The following ZNF8 variants were observed in gnomAD, a reference collection of about 807,000 sequenced individuals.
ZNF8 encodes zinc finger protein 272.
ZNF8 carries 9 observed loss-of-function variants against 12.2 expected under a neutral mutation model. The ratio of observed to expected loss-of-function variants is 0.73; its 90% CI spans 0.44 to 1.28. The LOEUF (loss-of-function observed/expected upper bound fraction) is 1.28. Among genes scored for constraint, ZNF8 ranks in the 50% most tolerant of loss-of-function variants. The pLI is 0.00. For missense variants in ZNF8, 664 were observed against 729.1 expected (o/e 0.91, Z 1.03); for synonymous variants, 274 against 282.3 (o/e 0.97, Z 0.30).
intron 3 of ZNF8, among the ~76,000 whole-genome samples, chr19:58,293,832 G>A (rs1354350978): frequency 6.6e-6 from 1 of 152,206 alleles, no homozygotes; most frequent in African/African-American, 2.4e-5. Flanking sequence ...TAATAAGTGT[G>A]TTTTAAGTTA....
Position 58,296,853 on chromosome 19 carries a change from A to T in ZNF8, c.*1317A>T, listed in dbSNP as rs940271331. On this transcript the variant is annotated 3_prime_UTR_variant, in exon 4 of 4. Transcript: ENST00000621650. ...TAGTGCCCGGGACAGCTCCTCAACA[A>T]AGGATTCTCTAGCTCAAATGTCAAT... The T allele has an allele frequency of 6.6e-6, 1 of 152,210 alleles. No individual in the cohort carries two copies. Among genetic ancestry groups the T allele is most frequent in the Non-Finnish European group, 1.5e-5 (1 of 68,088 alleles). 9.4% of individuals were successfully genotyped at this position (152,210 alleles called of 1,614,324 possible).
intron 1 of ZNF8, chr19:58,279,643 G>A: frequency 3.3e-6 from 5 of 1,534,114 alleles, no homozygotes; most frequent in Non-Finnish European, 1.7e-6. Context: ...AACCTCTTGG[G>A]GGCAATGATG....
rs1233755423 is a variant in ZNF8 at position 58,301,569 on chromosome 19, A to G, written c.*6033A>G. 1 of 152,282 alleles carries G rather than the reference A, an allele frequency of 6.6e-6. No individual in the cohort carries two copies. Among genetic ancestry groups the G allele is most frequent in the Non-Finnish European group, 1.5e-5 (1 of 68,112 alleles). The allele number at this position is 152,282 out of a possible 1,614,324, so 9.4% of individuals were successfully genotyped here. On this transcript the variant is annotated 3_prime_UTR_variant, in exon 4 of 4. Transcript: ENST00000621650. Reference sequence around the variant, plus strand: ...AAGCAGTGGGACCAAAAATGACAGCATGGTTCTAGACAGCTCTGGAAGTCA... The same window carrying G: ...AAGCAGTGGGACCAAAAATGACAGCGTGGTTCTAGACAGCTCTGGAAGTCA...
At chr19:58,283,731 C>T (rs1600452844) in intron 1 of ZNF8, among the ~76,000 whole-genome samples, 1 of 151,240 alleles carries the variant, frequency 6.6e-6, no homozygotes, top group African/African-American at 2.4e-5. Flanking sequence ...TCCCATGTAG[C>T]TGGAACTACA....
rs956896009 is a variant in ZNF8, at chr19:58,294,520, T to A, written c.712T>A (p.Ser238Thr). The change falls in exon 4 of 4, where the codon TCC becomes ACC. Residue 238 changes from serine (S) to threonine (T), a missense_variant. Ser to Thr is a moderately conservative substitution (Grantham distance 58). This residue lies in a region of ZNF8 where 306 missense variants were observed against 308.7 expected (regional missense o/e 0.99). Transcript: ENST00000621650. This position sits in a 1 kb window ranked among gnomAD's most constrained non-coding sequence, Gnocchi z 5.5. ...PGENSDCHRD[S>T]SQAIPITELT... Reference sequence around the variant, plus strand: ...TGAAAACAGTGACTGTCACAGAGATTCCAGTCAGGCCATTCCAATTACGGA... The same window carrying A: ...TGAAAACAGTGACTGTCACAGAGATACCAGTCAGGCCATTCCAATTACGGA... 5 of 1,614,018 alleles carry A rather than the reference T, an allele frequency of 3.1e-6. No homozygotes were observed. The highest frequency in any genetic ancestry group is 4.2e-6 in the Non-Finnish European group (5 of 1,180,034).
intron 3 of ZNF8, among the ~76,000 whole-genome samples, 161 bp from the exon 4 acceptor site, chr19:58,293,937 G>A (rs1167216950): frequency 2.6e-5 from 4 of 152,244 alleles, no homozygotes; most frequent in Non-Finnish European, 4.4e-5. Flanking sequence ...GAGTGGAGCC[G>A]TGTCTGAGGG....
intron 1 of ZNF8, 74 bp from the exon 2 acceptor site, chr19:58,285,642 CT>C: frequency 1.9e-6 from 3 of 1,610,650 alleles, no homozygotes; most frequent in Non-Finnish European, 2.5e-6. Flanking sequence ...CTGTTTTCTC[CT>C]TTTCCATTCT....
At chr19:58,282,284 A>T (rs540752687) in intron 1 of ZNF8, among the ~76,000 whole-genome samples, 1 of 152,192 alleles carries the variant, frequency 6.6e-6, no homozygotes, top group East Asian at 1.9e-4. Context: ...TCTTTTATAT[A>T]TTCTTCAAAG....
In ZNF8 at chr19:58,300,260, T is replaced by G. The variant is rs1260184540; in HGVS notation, c.*4724T>G. 6.6e-6 allele frequency: 1 copy of G among 152,182 alleles called. No homozygotes were observed. Among genetic ancestry groups the G allele is most frequent in the African/African-American group, 2.4e-5 (1 of 41,456 alleles). The allele number at this position is 152,182 out of a possible 1,614,324, so 9.4% of individuals were successfully genotyped here. ...GACCATGGCTTAAACAGATGAGGCT[T>G]TGTTCAAAGGCTGTCTTTTCAGTGG... On this transcript the variant is annotated 3_prime_UTR_variant, in exon 4 of 4. Coordinates refer to ENST00000621650, the MANE Select transcript of ZNF8 (RefSeq NM_021089.3).
At position 58,294,363 on chromosome 19, in the gene ZNF8, T is replaced by C; in HGVS notation, c.555T>C (p.Ser185=). The C allele has an allele frequency of 6.2e-7, 1 of 1,613,890 alleles. No homozygotes were observed. Among genetic ancestry groups the C allele is most frequent in the Non-Finnish European group, 8.5e-7 (1 of 1,179,972 alleles). ...TLRLRENCVL[S]SSPNPFPEIS... ...GACTCAGGGAAAACTGCGTCCTGAG[T>C]TCAAGCCCAAATCCATTCCCAGAGA... Residue 185 remains serine, a synonymous_variant, in exon 4 of 4, where the codon AGT becomes AGC. Coordinates refer to ENST00000621650, the MANE Select transcript of ZNF8 (RefSeq NM_021089.3). The surrounding 1 kb of genome is among the most constrained non-coding windows in gnomAD (Gnocchi z 5.5).
Position 58,301,714 on chromosome 19 carries a change from GGT to G in ZNF8, c.*6180_*6181del, listed in dbSNP as rs1884548474. The G allele has an allele frequency of 6.6e-6, 1 of 152,244 alleles. No homozygotes were observed. The highest frequency in any genetic ancestry group is 2.1e-4 in the South Asian group (1 of 4,832). The allele number at this position is 152,244 out of a possible 1,614,324, so 9.4% of individuals were successfully genotyped here. A position where few individuals can be genotyped will look rare whatever the true frequency, so the allele number is the denominator to read the frequency against. On this transcript the variant is annotated 3_prime_UTR_variant, in exon 4 of 4. Coordinates refer to ENST00000621650, the MANE Select transcript of ZNF8 (RefSeq NM_021089.3). ...GGCTGAGGTTATAGCAGCCCCACAG[GGT>G]GGTAAGCTGGGATGAAGCAATCAAC...
In ZNF8 at chr19:58,300,200, G is replaced by A. The variant is rs1270577296; in HGVS notation, c.*4664G>A. 2 of 152,380 alleles carry A rather than the reference G, an allele frequency of 1.3e-5. No individual in the cohort carries two copies. Among genetic ancestry groups the A allele is most frequent in the East Asian group, 1.9e-4 (1 of 5,182 alleles). The allele number at this position is 152,380 out of a possible 1,614,324, so 9.4% of individuals were successfully genotyped here. A position where few individuals can be genotyped will look rare whatever the true frequency, so the allele number is the denominator to read the frequency against. ...AAAAGTAACCAGCCCAAGCTAGGAA[G>A]TGGTGGAGTTAGAATTTGATGTCAG... On this transcript the variant is annotated 3_prime_UTR_variant, in exon 4 of 4. Transcript: ENST00000621650.
At position 58,302,014 on chromosome 19, in the gene ZNF8, A is replaced by C. The variant is rs1032450252; in HGVS notation, c.*6478A>C. ...CATTTATGGTGGAATGGTGATCATAAAAATTCATTAAAAATGAAGACTCTA... is the reference window on the plus strand; with the variant it reads ...CATTTATGGTGGAATGGTGATCATACAAATTCATTAAAAATGAAGACTCTA... On this transcript the variant is annotated 3_prime_UTR_variant, in exon 4 of 4. Coordinates refer to ENST00000621650, the MANE Select transcript of ZNF8 (RefSeq NM_021089.3). The C allele has an allele frequency of 1.3e-5, 2 of 152,194 alleles. No homozygotes were observed. Among genetic ancestry groups the C allele is most frequent in the East Asian group, 3.8e-4 (2 of 5,202 alleles). 9.4% of individuals were successfully genotyped at this position (152,194 alleles called of 1,614,324 possible).
intron 1 of ZNF8, among the ~76,000 whole-genome samples, chr19:58,284,871 A>T (rs773095615): frequency 2.0e-5 from 3 of 152,192 alleles, no homozygotes; most frequent in African/African-American, 2.4e-5. Flanking sequence ...AATTTTTCAC[A>T]TAAAAATCTG....
intron 1 of ZNF8, among the ~76,000 whole-genome samples, chr19:58,282,347 T>C (rs2051355580): frequency 1.3e-5 from 2 of 152,216 alleles, no homozygotes; most frequent in Admixed American, 1.3e-4. Flanking sequence ...TTTTTATTAC[T>C]GAGTTGTATG....
chr19:58,288,287 G>A (rs187684614), intron 3 of ZNF8, among the ~76,000 whole-genome samples: 5 of 152,216 alleles, frequency 3.3e-5, no homozygotes, highest in African/African-American at 7.2e-5. Context: ...CATTTTTCTT[G>A]TAAAACAGGA....
At position 58,301,565 on chromosome 19, in the gene ZNF8, CA is replaced by C. The variant is rs1323044941; in HGVS notation, c.*6030del. 1.3e-5 allele frequency: 2 copies of C among 152,328 alleles called. No individual in the cohort carries two copies. Among genetic ancestry groups the C allele is most frequent in the Non-Finnish European group, 2.9e-5 (2 of 68,122 alleles). The allele number at this position is 152,328 out of a possible 1,614,324, so 9.4% of individuals were successfully genotyped here. A position where few individuals can be genotyped will look rare whatever the true frequency, so the allele number is the denominator to read the frequency against. ...TCTGAAGCAGTGGGACCAAAAATGA[CA>C]GCATGGTTCTAGACAGCTCTGGAAG... is the stretch of plus-strand genomic sequence containing the variant. On this transcript the variant is annotated 3_prime_UTR_variant, in exon 4 of 4. Transcript: ENST00000621650.
Position 58,294,803 on chromosome 19 carries a change from G to A in ZNF8, c.995G>A (p.Arg332Gln), listed in dbSNP as rs180787921. 37 of 1,614,128 alleles carry A rather than the reference G, an allele frequency of 2.3e-5. No homozygotes were observed. Among genetic ancestry groups the A allele is most frequent in the Non-Finnish European group, 2.7e-5 (32 of 1,180,022 alleles). Residue 332 changes from arginine (R) to glutamine (Q), a missense_variant, in exon 4 of 4, where the codon CGG (arginine) becomes CAG (glutamine). Transcript: ENST00000621650. The surrounding 1 kb of genome is among the most constrained non-coding windows in gnomAD (Gnocchi z 5.5). ...FCHSTHLTVH[R>Q]RIHTGEKPYE... ...CATAGTACACACCTTACCGTCCATC[G>A]GAGGATTCACACTGGGGAGAAGCCC... is the stretch of plus-strand genomic sequence containing the variant.
In ZNF8 at chr19:58,279,009, T is replaced by G; in HGVS notation, c.-73T>G. On this transcript the variant is annotated 5_prime_UTR_variant, in exon 1 of 4. Coordinates refer to ENST00000621650, the MANE Select transcript of ZNF8 (RefSeq NM_021089.3). Reference sequence around the variant, plus strand: ...ATTGTCCGGCGTTCGGCGAGTCGGGTGGTCCCTTTGGCTGGAGTGCCTCTC... The same window carrying G: ...ATTGTCCGGCGTTCGGCGAGTCGGGGGGTCCCTTTGGCTGGAGTGCCTCTC... 1 of 1,341,336 alleles carries G rather than the reference T, an allele frequency of 7.5e-7. No homozygotes were observed. Among genetic ancestry groups the G allele is most frequent in the South Asian group, 2.0e-5 (1 of 50,954 alleles). The allele number at this position is 1,341,336 out of a possible 1,614,324, so 83.1% of individuals were successfully genotyped here. A position where few individuals can be genotyped will look rare whatever the true frequency, so the allele number is the denominator to read the frequency against.
Sources: gnomAD v4.1 joint callset for allele counts (sites outside exome capture counted in the v4.1 genomes callset) on GRCh38, gnomAD v4.1.1 for gene constraint, gnomAD v4.1.1 regional missense constraint, Gnocchi (gnomAD v3.1) non-coding constraint, MANE v1.5 for transcripts, NCBI Gene and HGNC (gene_info 2026-07-23, HGNC 2026-07-21) for gene names.